CEP162: variants seen among roughly 807,000 people sequenced by gnomAD.
CEP162 encodes centrosomal protein 162, also known as centrosomal protein of 162 kDa.
A neutral mutation model predicts 169.2 loss-of-function variants in CEP162; 141 were observed. That is an observed-to-expected ratio of 0.83 (90% CI 0.73 to 0.96). The LOEUF is 0.96. Ranked by LOEUF, CEP162 falls within the 40% of genes least tolerant of loss-of-function variation. The pLI is 0.00. For missense variants in CEP162, 1,600 were observed against 1,587.2 expected (o/e 1.01, Z -0.14); for synonymous variants, 540 against 526.4 (o/e 1.03, Z -0.35).
chr6:84,169,480 GCTC>G (rs1562036358), intron 17 of CEP162, 47 bp from the exon 18 acceptor site: 3 of 1,062,382 alleles, frequency 2.8e-6, no homozygotes, highest in Non-Finnish European at 4.1e-6. Flanking sequence ...CTTACCAGGT[GCTC>G]CTTTCAGTAG....
Position 84,149,639 on chromosome 6 carries a change from T to C in CEP162, c.3694A>G (p.Lys1232Glu). The C allele has an allele frequency of 6.2e-7, 1 of 1,603,104 alleles. No individual in the cohort carries two copies. Among genetic ancestry groups the C allele is most frequent in the African/African-American group, 1.3e-5 (1 of 74,666 alleles). The part of the protein sequence containing the change: ...LKASHQREIE[K>E]LLCQNAVENS... ...TCTACTGCATTTTGGCAAAGGAGTTTCTCTATTTCTCTCTGATGAGATGCT... is the reference window on the plus strand; with the variant it reads ...TCTACTGCATTTTGGCAAAGGAGTTCCTCTATTTCTCTCTGATGAGATGCT... The change falls in exon 24 of 27, where the codon AAA (lysine) becomes GAA (glutamate). Residue 1232 changes from lysine to glutamate, a missense_variant. By Grantham distance (56) the Lys-to-Glu change is moderately conservative. Coordinates refer to ENST00000403245, the MANE Select transcript of CEP162 (RefSeq NM_014895.4).
intron 13 of CEP162, among the ~76,000 whole-genome samples, chr6:84,178,403 A>C (rs2875397): frequency 0.067 from 10,233 of 152,258 alleles, 1,110 homozygotes; most frequent in African/African-American, 0.23. Context: ...GGAGTTCATA[A>C]TTTTGAAGCT....
chr6:84,170,809 T>C (rs903711351), intron 17 of CEP162, among the ~76,000 whole-genome samples: 5 of 152,202 alleles, frequency 3.3e-5, no homozygotes, highest in African/African-American at 1.2e-4. Context: ...TTGGAAGCAG[T>C]AACGTCCAAA....
At chr6:84,204,389 C>G (rs2099545904) in intron 6 of CEP162, among the ~76,000 whole-genome samples, 1 of 152,174 alleles carries the variant, frequency 6.6e-6, no homozygotes, top group African/African-American at 2.4e-5. Context: ...TCTCAGACCA[C>G]AGTGCAATCA....
rs2099531783 is a variant in CEP162 at position 84,174,897 on chromosome 6, C to T, written c.1855G>A (p.Val619Ile). Residue 619 changes from valine to isoleucine, a missense_variant, in exon 15 of 27, where the codon GTT becomes ATT. Physicochemically the swap from Val to Ile is conservative, Grantham distance 29. Coordinates refer to ENST00000403245, the MANE Select transcript of CEP162 (RefSeq NM_014895.4). ...CTCCATTTATCCTCTGCTTCCTGAA[C>T]TCTTTTAAACATAAGTAATTTCTTC... Reference protein sequence around the residue: ...KEKKLLMFKRVQEAEDKWRGA... With the variant: ...KEKKLLMFKRIQEAEDKWRGA... 3.1e-6 allele frequency: 5 copies of T among 1,611,454 alleles called. No individual in the cohort carries two copies. The highest frequency in any genetic ancestry group is 8.5e-7 in the Non-Finnish European group (1 of 1,178,878).
chr6:84,222,345 G>A (rs2099554034), intron 2 of CEP162, among the ~76,000 whole-genome samples: 1 of 152,100 alleles, frequency 6.6e-6, no homozygotes, highest in Non-Finnish European at 1.5e-5. Context: ...CTTCCTCCGG[G>A]TTATTCTTCA....
At position 84,152,966 on chromosome 6, in the gene CEP162, C is replaced by T; in HGVS notation, c.3208G>A (p.Asp1070Asn). The change falls in exon 23 of 27, where the codon GAT becomes AAT. Residue 1070 changes from aspartate (D) to asparagine (N), a missense_variant. By Grantham distance (23) the Asp-to-Asn change is conservative (BLOSUM62 1). Transcript: ENST00000403245. ...DVKKNDKDDE[D>N]FQSIEFQVEQ... Reference sequence around the variant, plus strand: ...ACCTGGAATTCTATAGACTGAAAATCTTCATCATCTTTATCATTTTTCTTG... The same window carrying T: ...ACCTGGAATTCTATAGACTGAAAATTTTCATCATCTTTATCATTTTTCTTG... The T allele has an allele frequency of 6.2e-7, 1 of 1,613,570 alleles. No individual in the cohort carries two copies. Among genetic ancestry groups the T allele is most frequent in the Non-Finnish European group, 8.5e-7 (1 of 1,179,736 alleles).
In CEP162 at chr6:84,133,259, C is replaced by T. The variant is rs113647029; in HGVS notation, c.3871-6747G>A. Among the ~76,000 whole-genome samples, 1,005 of 152,278 alleles carry T rather than the reference C, an allele frequency of 6.6e-3. 7 individuals are homozygous for T. Among genetic ancestry groups the T allele is most frequent in the African/African-American group, 0.023 (956 of 41,558 alleles). ...AGGGGCACCCGGCTGTATGAGGTGTCAGTTGGCCCCTATTGGGAGGTGTCT... is the reference window on the plus strand; with the variant it reads ...AGGGGCACCCGGCTGTATGAGGTGTTAGTTGGCCCCTATTGGGAGGTGTCT... On this transcript the variant is annotated intron_variant, in intron 25 of 26. Transcript: ENST00000403245.
At chr6:84,159,099 T>C (rs1446470106) in intron 21 of CEP162, among the ~76,000 whole-genome samples, 4 of 151,680 alleles carry the variant, frequency 2.6e-5, no homozygotes, top group Non-Finnish European at 5.9e-5. Context: ...TAATTATAAT[T>C]ATTCTGAATA....
At chr6:84,189,801 C>T (rs1274845067) in intron 11 of CEP162, among the ~76,000 whole-genome samples, 2 of 152,236 alleles carry the variant, frequency 1.3e-5, no homozygotes, top group African/African-American at 4.8e-5. Context: ...AGCCCCGGTG[C>T]GGGATCCACT....
At chr6:84,205,406 T>G (rs2127738007) in intron 6 of CEP162, among the ~76,000 whole-genome samples, 1 of 152,340 alleles carries the variant, frequency 6.6e-6, no homozygotes, top group East Asian at 1.9e-4. Context: ...GATGCAAGGA[T>G]GGTTCAACAT....
intron 17 of CEP162, 21 bp from the exon 18 acceptor site, chr6:84,169,454 A>ATT: frequency 6.8e-7 from 1 of 1,465,390 alleles, no homozygotes; most frequent in Non-Finnish European, 9.2e-7. Flanking sequence ...TTGAAAATAA[A>ATT]AAGTTGTTTT....
chr6:84,211,362 A>G (rs1322289016), intron 6 of CEP162, among the ~76,000 whole-genome samples: 1 of 151,796 alleles, frequency 6.6e-6, no homozygotes, highest in Non-Finnish European at 1.5e-5. Context: ...CCCCGTCTCT[A>G]CTAAAAATAC....
At chr6:84,192,347 G>A (rs1391738852) in intron 11 of CEP162, among the ~76,000 whole-genome samples, 1 of 152,122 alleles carries the variant, frequency 6.6e-6, no homozygotes, top group Non-Finnish European at 1.5e-5. Context: ...TCCTATTACT[G>A]AAATGGTTTT....
At chr6:84,215,600 A>ATTCATATTAATAATACGTAAGGTT in intron 4 of CEP162, 135 bp from the exon 5 acceptor site, 1 of 1,142,134 alleles carries the variant, frequency 8.8e-7, no homozygotes. Flanking sequence ...CCAAATATGA[A>ATTCATATTAATAATACGTAAGGTT]TTCATATTAA....
chr6:84,218,881 G>C (rs1353909013), intron 3 of CEP162, among the ~76,000 whole-genome samples: 2 of 152,186 alleles, frequency 1.3e-5, no homozygotes, highest in African/African-American at 2.4e-5. Flanking sequence ...TCTCACCCTG[G>C]CTCTAAAGCA....
At chr6:84,217,806 C>T (rs1466826506) in intron 3 of CEP162, 1 of 152,124 alleles carries the variant, frequency 6.6e-6, no homozygotes, top group African/African-American at 2.4e-5. Flanking sequence ...CACAGTGAAA[C>T]AGCAGCTAAA....
At chr6:84,146,253 G>A (rs374358780) in intron 25 of CEP162, among the ~76,000 whole-genome samples, 2 of 152,116 alleles carry the variant, frequency 1.3e-5, no homozygotes, top group South Asian at 2.1e-4. Context: ...TGTGCTGCAC[G>A]TATTAATAAA....
At chr6:84,174,501 G>GTTAGC (rs1355467726) in intron 15 of CEP162, among the ~76,000 whole-genome samples, 7 of 152,056 alleles carry the variant, frequency 4.6e-5, no homozygotes, top group Non-Finnish European at 1.0e-4. Flanking sequence ...GCTAACAGAA[G>GTTAGC]AAAACCATAA....
Sources: gnomAD v4.1 joint callset for allele counts (sites outside exome capture counted in the v4.1 genomes callset) on GRCh38, gnomAD v4.1.1 for gene constraint, MANE v1.5 for transcripts, NCBI Gene and HGNC (gene_info 2026-07-23, HGNC 2026-07-21) for gene names.